Variants in KLF12 observed in about 807,000 individuals in gnomAD.
KLF12 encodes Krueppel-like factor 12.
KLF12 carries 9 observed loss-of-function variants against 37.8 expected under a neutral mutation model. The observed-to-expected ratio is 0.24, with a 90% CI of 0.14 to 0.42. The LOEUF (loss-of-function observed/expected upper bound fraction) is 0.42. Ranked by LOEUF, KLF12 falls within the 10% of genes least tolerant of loss-of-function variation. The pLI, the probability that KLF12 is intolerant of heterozygous loss-of-function variation, is 1.00. For synonymous variants in KLF12, 208 were observed against 202.1 expected, an observed-to-expected ratio of 1.03 and a Z score of -0.25; for missense variants, 411 against 516.0, an observed-to-expected ratio of 0.80 and a Z score of 1.97.
intron 1 of KLF12, among the ~76,000 whole-genome samples, chr13:74,007,843 A>G (rs1892452692): frequency 6.6e-6 from 1 of 152,176 alleles, no homozygotes; most frequent in East Asian, 1.9e-4. Flanking sequence ...TTAAAAAACA[A>G]TGAAATGCTA....
chr13:73,903,606 G>A lies in KLF12; in HGVS notation c.123+40375C>T, dbSNP rs550830737. On this transcript the variant is annotated intron_variant, in intron 3 of 7. Coordinates refer to ENST00000377669, the MANE Select transcript of KLF12 (RefSeq NM_007249.5). ...TAGATCGCCTAAATTTTAACAATTGGGTGTGTGGGAAGGTTCATGCCCTAG... is the reference window on the plus strand; with the variant it reads ...TAGATCGCCTAAATTTTAACAATTGAGTGTGTGGGAAGGTTCATGCCCTAG... Among the ~76,000 whole-genome samples, 6 of 152,188 alleles carry A rather than the reference G, an allele frequency of 3.9e-5. No homozygotes were observed. The South Asian group carries it at 8.3e-4, about 21-fold the overall frequency.
At chr13:74,284,208 A>G in the KLF12 span, among the ~76,000 whole-genome samples, 2 of 151,992 alleles carry the variant, frequency 1.3e-5, no homozygotes, top group Non-Finnish European at 2.9e-5. Flanking sequence ...ATTTCCAGGT[A>G]TATCTATGAT....
At chr13:73,798,951 C>T (rs1234325190) in intron 5 of KLF12, among the ~76,000 whole-genome samples, 1 of 152,148 alleles carries the variant, frequency 6.6e-6, no homozygotes, top group Non-Finnish European at 1.5e-5. Flanking sequence ...ACCATAAAGA[C>T]ACCTGCATGT....
At chr13:74,179,856 C>T in the KLF12 span, among the ~76,000 whole-genome samples, 1 of 152,158 alleles carries the variant, frequency 6.6e-6, no homozygotes, top group African/African-American at 2.4e-5. Flanking sequence ...TCCAAAGAGT[C>T]CCCCAATCGA....
chr13:73,747,160 T>C (rs1227384558), intron 6 of KLF12, among the ~76,000 whole-genome samples: 1 of 152,100 alleles, frequency 6.6e-6, no homozygotes, highest in African/African-American at 2.4e-5. Context: ...GTGTCTACTA[T>C]GGGCCAGACC....
rs1217428897 is a variant in KLF12, at chr13:73,943,603, T to C, written c.123+378A>G. 6.6e-5 allele frequency among the ~76,000 whole-genome samples: 10 copies of C among 152,244 alleles called. No homozygotes were observed. The East Asian group carries it at 1.9e-3, about 29-fold the overall frequency. ...CAGTAACATTCTCATAGCGGTACTT[T>C]GTCATTTCCTGATTAGAATCAACCA... On this transcript the variant is annotated intron_variant, in intron 3 of 7. Coordinates refer to ENST00000377669, the MANE Select transcript of KLF12 (RefSeq NM_007249.5).
chr13:73,861,180 T>C (rs961950767), intron 3 of KLF12, among the ~76,000 whole-genome samples: 1 of 152,256 alleles, frequency 6.6e-6, no homozygotes, highest in South Asian at 2.1e-4. Context: ...TCAATCGGGG[T>C]GTAATACATG....
the KLF12 span, among the ~76,000 whole-genome samples, chr13:74,177,470 A>G: frequency 6.6e-6 from 1 of 152,210 alleles, no homozygotes. Flanking sequence ...CTGGAGGACG[A>G]CGGTGATGGA....
At chr13:74,071,810 A>C (rs1217559280) in intron 1 of KLF12, among the ~76,000 whole-genome samples, 1 of 152,234 alleles carries the variant, frequency 6.6e-6, no homozygotes. Context: ...CCCCATCATG[A>C]AGCTACAGGG....
chr13:74,183,444 CAT>C, the KLF12 span, among the ~76,000 whole-genome samples: 2 of 152,128 alleles, frequency 1.3e-5, no homozygotes, highest in African/African-American at 4.8e-5. Flanking sequence ...CTTCATCAGC[CAT>C]ATGACTCGTC....
intron 1 of KLF12, among the ~76,000 whole-genome samples, chr13:74,018,838 G>A (rs1566506277): frequency 6.6e-6 from 1 of 152,074 alleles, no homozygotes; most frequent in Non-Finnish European, 1.5e-5. Flanking sequence ...TGTCTCAATG[G>A]CAATGGTGTT....
At position 73,836,287 on chromosome 13, in the gene KLF12, G is replaced by A. The variant is rs1009851592; in HGVS notation, c.670+9540C>T. Among the ~76,000 whole-genome samples, 5 of 152,134 alleles carry A rather than the reference G, an allele frequency of 3.3e-5. No individual in the cohort carries two copies. The South Asian group carries it at 1.0e-3, about 31-fold the overall frequency. ...CCCCATTAACAAAGGAAAACAGGCA[G>A]AGTGAAAGAGCTGAGAAAATAGTAA... On this transcript the variant is annotated intron_variant, in intron 4 of 7. Coordinates refer to ENST00000377669, the MANE Select transcript of KLF12 (RefSeq NM_007249.5).
At chr13:74,229,233 A>G in the KLF12 span, among the ~76,000 whole-genome samples, 1 of 152,200 alleles carries the variant, frequency 6.6e-6, no homozygotes, top group Non-Finnish European at 1.5e-5. Context: ...GTGAAATTAT[A>G]AGGGGGATAG....
chr13:73,698,807 CCT>C (rs1233098916), intron 7 of KLF12, among the ~76,000 whole-genome samples: 2 of 151,922 alleles, frequency 1.3e-5, no homozygotes, highest in East Asian at 1.9e-4. Flanking sequence ...TTTGCCAACC[CCT>C]GATTTTTATA....
chr13:74,154,980 G>C, the KLF12 span, among the ~76,000 whole-genome samples: 1 of 152,158 alleles, frequency 6.6e-6, no homozygotes, highest in Admixed American at 6.5e-5. Flanking sequence ...ATGAGAAGGG[G>C]ATTTATTTCT....
At chr13:74,022,153 C>T (rs1364276529) in intron 1 of KLF12, among the ~76,000 whole-genome samples, 1 of 151,986 alleles carries the variant, frequency 6.6e-6, no homozygotes, top group African/African-American at 2.4e-5. Flanking sequence ...GTCACTAGTA[C>T]AGCATCAGAG....
chr13:73,926,525 T>G (rs1889383945), intron 3 of KLF12, among the ~76,000 whole-genome samples: 1 of 152,114 alleles, frequency 6.6e-6, no homozygotes, highest in Admixed American at 6.5e-5. Context: ...CTTGCTTAAT[T>G]GCAATATTTG....
chr13:74,085,690 G>A (rs965906276), intron 1 of KLF12, among the ~76,000 whole-genome samples: 7 of 152,036 alleles, frequency 4.6e-5, no homozygotes, highest in African/African-American at 1.2e-4. Flanking sequence ...TTTAAAGCTC[G>A]CCACAATCAA....
chr13:74,037,076 C>G (rs182549079), intron 1 of KLF12, among the ~76,000 whole-genome samples: 3 of 151,702 alleles, frequency 2.0e-5, no homozygotes, highest in Admixed American at 1.3e-4. Context: ...TGGTGGTGGG[C>G]GCCTGTAATC....
Sources: allele counts gnomAD v4.1 joint callset (sites outside exome capture counted in the v4.1 genomes callset), GRCh38; gene constraint gnomAD v4.1.1; transcripts MANE v1.5; gene names NCBI Gene and HGNC (gene_info 2026-07-23, HGNC 2026-07-21).